C6orf58: variants seen among roughly 807,000 people sequenced by gnomAD.
C6orf58 encodes the protein chromosome 6 open reading frame 58.
In C6orf58, 30 loss-of-function variants were observed where a neutral mutation model predicts 37.0. The ratio of observed to expected loss-of-function variants is 0.81; its 90% CI spans 0.61 to 1.10. The LOEUF is 1.10. Among genes scored for constraint, C6orf58 ranks in the 50% least tolerant of loss-of-function variants. The pLI, the probability that C6orf58 is intolerant of heterozygous loss-of-function variation, is 0.00. For missense variants in C6orf58, 368 were observed against 387.5 expected (o/e 0.95, Z 0.42); for synonymous variants, 143 against 134.1 (o/e 1.07, Z -0.46).
intron 4 of C6orf58, among the ~76,000 whole-genome samples, chr6:127,586,772 G>C (rs924403637): frequency 6.6e-6 from 1 of 152,216 alleles, no homozygotes; most frequent in Non-Finnish European, 1.5e-5. Flanking sequence ...CAAGGGGAGA[G>C]TGTCTTTGCA....
rs752615153 is a variant in C6orf58, at chr6:127,577,247, G to A, written c.62G>A (p.Gly21Glu). The part of the protein sequence containing the change: ...LVGSFSASLA[G>E]TSNLSETEPP... ...GGTTCCTTTTCTGCTTCCTTAGCAG[G>A]GACTTCCAATCTCTCAGAGACAGAG... Residue 21 changes from glycine to glutamate, a missense_variant, in exon 1 of 6, where the codon GGG (glycine) becomes GAG (glutamate). Coordinates refer to ENST00000329722, the MANE Select transcript of C6orf58 (RefSeq NM_001010905.3). 3 of 1,613,366 alleles carry A rather than the reference G, an allele frequency of 1.9e-6. No individual in the cohort carries two copies.
chr6:127,590,596 G>C (rs910434523), intron 5 of C6orf58, among the ~76,000 whole-genome samples: 1 of 151,524 alleles, frequency 6.6e-6, no homozygotes, highest in Non-Finnish European at 1.5e-5. Flanking sequence ...AAACACTTTT[G>C]TTTTGTTCTA....
rs1244560395 is a variant in C6orf58 at position 127,590,078 on chromosome 6, G to C, written c.675-9G>C. The C allele has an allele frequency of 6.3e-7, 1 of 1,580,704 alleles. No homozygotes were observed. ...ATTATAATTAAATACTTTTCCGTTTGTCTTTTAGATATGATTATTATTCTA... is the reference window on the plus strand; with the variant it reads ...ATTATAATTAAATACTTTTCCGTTTCTCTTTTAGATATGATTATTATTCTA... On this transcript the variant is annotated splice_polypyrimidine_tract_variant and intron_variant, in intron 4 of 5. Coordinates refer to ENST00000329722, the MANE Select transcript of C6orf58 (RefSeq NM_001010905.3).
chr6:127,582,127 A>G (rs905598461), intron 4 of C6orf58, among the ~76,000 whole-genome samples: 7 of 152,164 alleles, frequency 4.6e-5, no homozygotes, highest in African/African-American at 1.7e-4. Context: ...TGGTATCAGT[A>G]TGGAATTCAC....
intron 4 of C6orf58, among the ~76,000 whole-genome samples, chr6:127,584,066 A>G (rs1027346460): frequency 6.6e-6 from 1 of 152,196 alleles, no homozygotes; most frequent in Non-Finnish European, 1.5e-5. Context: ...TTTCTGATAA[A>G]ATGAGTGCCT....
intron 3 of C6orf58, 106 bp downstream of exon 3, chr6:127,580,555 T>C (rs2114291330): frequency 1.3e-6 from 1 of 765,056 alleles, no homozygotes; most frequent in East Asian, 2.5e-5. Context: ...AGTATGCAGA[T>C]GTAAATTGCT....
At chr6:127,590,721 T>C (rs993254138) in intron 5 of C6orf58, among the ~76,000 whole-genome samples, 17 of 152,112 alleles carry the variant, frequency 1.1e-4, no homozygotes, top group Admixed American at 1.0e-3. Flanking sequence ...CCTGCCATGA[T>C]TAATGAAATT....
Position 127,590,145 on chromosome 6 carries a change from G to A in C6orf58, c.733G>A (p.Asp245Asn), listed in dbSNP as rs763172302. 1.9e-6 allele frequency: 3 copies of A among 1,613,682 alleles called. No homozygotes were observed. The highest frequency in any genetic ancestry group is 2.2e-5 in the South Asian group (2 of 91,056). ...TGAGAGAAGTTGGGTACTGGCTGTG[G>A]ATCATTTAGCTGCAGTCCTCTTTCC... is the stretch of plus-strand genomic sequence containing the variant. ...HFERSWVLAV[D>N]HLAAVLFPTT... Residue 245 changes from aspartate to asparagine, a missense_variant, in exon 5 of 6, where the codon GAT (aspartate) becomes AAT (asparagine). Coordinates refer to ENST00000329722, the MANE Select transcript of C6orf58 (RefSeq NM_001010905.3).
intron 4 of C6orf58, among the ~76,000 whole-genome samples, chr6:127,582,602 G>A (rs1775061611): frequency 1.3e-5 from 2 of 152,182 alleles, no homozygotes; most frequent in African/African-American, 4.8e-5. Flanking sequence ...AGAGTCAGCT[G>A]TAGTAACTAA....
chr6:127,584,578 C>A (rs775978842), intron 4 of C6orf58, among the ~76,000 whole-genome samples: 5 of 152,086 alleles, frequency 3.3e-5, no homozygotes, highest in Admixed American at 6.6e-5. Context: ...AGTTCAAGAC[C>A]AGCCTGGCCA....
intron 4 of C6orf58, among the ~76,000 whole-genome samples, chr6:127,587,774 T>C (rs1185121056): frequency 2.0e-5 from 3 of 152,340 alleles, no homozygotes; most frequent in East Asian, 1.9e-4. Context: ...TAGGGCAATT[T>C]TGAGGATTAA....
chr6:127,589,551 A>G lies in C6orf58; in HGVS notation c.675-536A>G, dbSNP rs555574769. 1.8e-4 allele frequency among the ~76,000 whole-genome samples: 28 copies of G among 152,308 alleles called. 1 individual carries two copies. The South Asian group carries it at 5.8e-3, about 32-fold the overall frequency. On this transcript the variant is annotated intron_variant, in intron 4 of 5. Transcript: ENST00000329722. ...AGTTACAGAGGCTTTTCTAATAATTACAGAGTCTTTTCTAACAATTACAGA... is the reference window on the plus strand; with the variant it reads ...AGTTACAGAGGCTTTTCTAATAATTGCAGAGTCTTTTCTAACAATTACAGA...
chr6:127,590,393 A>G, intron 5 of C6orf58, 68 bp downstream of exon 5: 1 of 964,624 alleles, frequency 1.0e-6, no homozygotes, highest in Non-Finnish European at 1.6e-6. Context: ...AGAAATAATA[A>G]TTAAATCAGT....
At chr6:127,584,738 C>A (rs1348092086) in intron 4 of C6orf58, among the ~76,000 whole-genome samples, 1 of 150,200 alleles carries the variant, frequency 6.7e-6, no homozygotes, top group Non-Finnish European at 1.5e-5. Flanking sequence ...TGCACCACTG[C>A]ACTCCAGAGA....
intron 4 of C6orf58, among the ~76,000 whole-genome samples, chr6:127,582,672 AT>A (rs1237701254): frequency 6.6e-6 from 1 of 152,162 alleles, no homozygotes; most frequent in South Asian, 2.1e-4. Context: ...CAGGGAAGGA[AT>A]TTTTTACCCA....
chr6:127,580,134 T>G, intron 2 of C6orf58, 131 bp from the exon 3 acceptor site: 2 of 612,254 alleles, frequency 3.3e-6, no homozygotes, highest in South Asian at 5.3e-5. Flanking sequence ...GTTCAATATT[T>G]TTTTCCTAAT....
At chr6:127,591,005 TA>T (rs950390978) in intron 5 of C6orf58, among the ~76,000 whole-genome samples, 18 of 152,046 alleles carry the variant, frequency 1.2e-4, no homozygotes, top group African/African-American at 4.3e-4. Flanking sequence ...AACCTATGTT[TA>T]AAAAAAACCT....
chr6:127,589,502 T>G (rs1272697671), intron 4 of C6orf58, among the ~76,000 whole-genome samples: 1 of 152,198 alleles, frequency 6.6e-6, no homozygotes, highest in Non-Finnish European at 1.5e-5. Flanking sequence ...AAACTAAACT[T>G]TCTCACCTAT....
chr6:127,577,771 G>T (rs1457047421), intron 1 of C6orf58, among the ~76,000 whole-genome samples: 1 of 152,070 alleles, frequency 6.6e-6, no homozygotes, highest in Non-Finnish European at 1.5e-5. Context: ...ACAAATATTT[G>T]TTGAAGTTCT....
Sources: allele counts gnomAD v4.1 joint callset (sites outside exome capture counted in the v4.1 genomes callset), GRCh38; gene constraint gnomAD v4.1.1; transcripts MANE v1.5; gene names NCBI Gene and HGNC (gene_info 2026-07-23, HGNC 2026-07-21).